The following GPC3 variants were observed in gnomAD, a reference collection of about 807,000 sequenced individuals.
The protein encoded by GPC3 is glypican 3.
GPC3 carries 3 observed loss-of-function variants against 34.4 expected under a neutral mutation model. The ratio of observed to expected loss-of-function variants is 0.09; its 90% confidence interval spans 0.04 to 0.23. The LOEUF (loss-of-function observed/expected upper bound fraction) is 0.23, where lower values mean the gene tolerates loss of function less well. Ranked by LOEUF, GPC3 falls within the 10% of genes least tolerant of loss-of-function variation. The pLI is 1.00. For missense variants in GPC3, 351 were observed against 445.6 expected (o/e 0.79, Z 1.91); for synonymous variants, 177 against 174.0 (o/e 1.02, Z -0.13).
At chrX:133,577,935 C>T (rs2069700732) in intron 7 of GPC3, among the ~76,000 whole-genome samples, 1 of 111,701 alleles carries the variant, frequency 9.0e-6, no homozygotes, top group Admixed American at 9.5e-5. Flanking sequence ...CCCTTAGTGC[C>T]CTTGATTGTG....
Position 133,917,867 on chromosome X carries a change from G to T in GPC3, c.337+35183C>A, listed in dbSNP as rs145749607. Among the ~76,000 whole-genome samples the T allele has an allele frequency of 5.3e-3, 589 of 111,437 alleles. 6 individuals carry two copies. Among genetic ancestry groups the T allele is most frequent in the African/African-American group, 0.018 (556 of 30,683 alleles). ...TGATGGTATTAAATATGAATAACCAGCTGCTCTATCCCTTTGAGGAGAGCT... is the reference window on the plus strand; with the variant it reads ...TGATGGTATTAAATATGAATAACCATCTGCTCTATCCCTTTGAGGAGAGCT... On this transcript the variant is annotated intron_variant, in intron 2 of 7. Coordinates refer to ENST00000370818, the MANE Select transcript of GPC3 (RefSeq NM_004484.4).
intron 2 of GPC3, among the ~76,000 whole-genome samples, chrX:133,814,125 T>A (rs780452608): frequency 1.8e-5 from 2 of 111,415 alleles, no homozygotes; most frequent in South Asian, 7.8e-4. Context: ...GGGGACACTT[T>A]CGGATGTCGA....
chrX:133,672,718 T>C (rs1188307376), intron 5 of GPC3, among the ~76,000 whole-genome samples: 1 of 111,875 alleles, frequency 8.9e-6, no homozygotes, highest in African/African-American at 3.2e-5. Flanking sequence ...TGGCGCGATC[T>C]CCGCTCACTG....
In GPC3 at chrX:133,594,814, G is replaced by A. The variant is rs181363278; in HGVS notation, c.1573+1626C>T. Among the ~76,000 whole-genome samples the A allele has an allele frequency of 1.8e-3, 197 of 110,594 alleles. 1 individual carries two copies. The highest frequency in any genetic ancestry group is 6.2e-3 in the African/African-American group (189 of 30,527). On this transcript the variant is annotated intron_variant, in intron 7 of 7. Transcript: ENST00000370818. ...CACAACAATGTGCATATAATTAACA[G>A]TATTGTACTGTACACTTAAAAGTTT...
At chrX:133,815,902 T>C (rs922451355) in intron 2 of GPC3, among the ~76,000 whole-genome samples, 5 of 111,561 alleles carry the variant, frequency 4.5e-5, no homozygotes, top group Admixed American at 2.9e-4. Context: ...TGTTGGAGCA[T>C]ATTTTTGGAG....
chrX:133,747,676 C>T (rs966290974), intron 3 of GPC3, among the ~76,000 whole-genome samples: 1 of 111,639 alleles, frequency 9.0e-6, no homozygotes, highest in Non-Finnish European at 1.9e-5. Context: ...CACCTACTAG[C>T]CAAGTGACCG....
At chrX:133,625,117 G>C (rs918299516) in intron 6 of GPC3, among the ~76,000 whole-genome samples, 14 of 111,248 alleles carry the variant, frequency 1.3e-4, no homozygotes, top group African/African-American at 4.6e-4. Flanking sequence ...ATTCAACAAC[G>C]CTTCATGCTA....
intron 2 of GPC3, among the ~76,000 whole-genome samples, chrX:133,810,624 G>A (rs752073450): frequency 5.5e-5 from 6 of 109,967 alleles, no homozygotes; most frequent in African/African-American, 2.0e-4. Flanking sequence ...GAGGCCTGGC[G>A]CCTGGGTGCA....
At chrX:133,687,092 A>ATTTTTTTTTTTTTTTTTTT (rs775110101) in intron 5 of GPC3, among the ~76,000 whole-genome samples, 4 of 69,280 alleles carry the variant, frequency 5.8e-5, no homozygotes, top group African/African-American at 2.4e-4. Context: ...TGGCCGGCTA[A>ATTTTTTTTTTTTTTTTTTT]TTTTTTTTTT....
At chrX:133,564,437 C>T (rs190695616) in intron 7 of GPC3, among the ~76,000 whole-genome samples, 29 of 111,131 alleles carry the variant, frequency 2.6e-4, no homozygotes, top group East Asian at 5.7e-4. Context: ...TTTGTTTAAA[C>T]GACAATGGGT....
intron 1 of GPC3, among the ~76,000 whole-genome samples, chrX:133,980,883 G>A (rs964402097): frequency 1.8e-5 from 2 of 111,948 alleles, no homozygotes; most frequent in African/African-American, 6.5e-5. Flanking sequence ...AGGCTACAGT[G>A]AACAGCAAAC....
chrX:133,827,963 A>G (rs1039577430), intron 2 of GPC3, among the ~76,000 whole-genome samples: 2 of 107,606 alleles, frequency 1.9e-5, no homozygotes, highest in Admixed American at 2.0e-4. Context: ...AAAAAAAAAA[A>G]AAAAAGAACA....
intron 2 of GPC3, among the ~76,000 whole-genome samples, chrX:133,786,492 G>A (rs1398761817): frequency 1.8e-5 from 2 of 112,726 alleles, no homozygotes; most frequent in Non-Finnish European, 3.8e-5. Context: ...AGGGGTCCCC[G>A]GAGAATCTCC....
chrX:133,661,995 T>C, intron 5 of GPC3, 145 bp from the exon 6 acceptor site: 1 of 571,786 alleles, frequency 1.7e-6, no homozygotes. Context: ...CCACATAGTG[T>C]CTATTTACAG....
intron 2 of GPC3, among the ~76,000 whole-genome samples, chrX:133,774,589 T>C (rs996209893): frequency 9.0e-6 from 1 of 111,537 alleles, no homozygotes; most frequent in Non-Finnish European, 1.9e-5. Context: ...AAATAGGGTA[T>C]TATAAATAAA....
intron 3 of GPC3, among the ~76,000 whole-genome samples, chrX:133,722,145 G>T (rs1287233171): frequency 9.0e-6 from 1 of 111,347 alleles, no homozygotes; most frequent in African/African-American, 3.3e-5. Context: ...TTTATAGTCT[G>T]TAACTTATCT....
intron 2 of GPC3, among the ~76,000 whole-genome samples, chrX:133,863,648 C>CTTT (rs1165193952): frequency 0.034 from 2,447 of 72,827 alleles, 459 homozygotes; most frequent in African/African-American, 0.19. Context: ...AAAAATATTC[C>CTTT]TTTTTTTTTT....
chrX:133,742,828 C>T (rs1320830933), intron 3 of GPC3, among the ~76,000 whole-genome samples: 1 of 112,009 alleles, frequency 8.9e-6, no homozygotes, highest in Non-Finnish European at 1.9e-5. Flanking sequence ...TGATAATAGA[C>T]AGCACCCAAA....
intron 1 of GPC3, among the ~76,000 whole-genome samples, chrX:133,962,599 G>C (rs748456283): frequency 1.0e-3 from 114 of 111,983 alleles, no homozygotes; most frequent in Non-Finnish European, 1.3e-3. Flanking sequence ...CAGCTATGCT[G>C]GAGTTGGGAT....
Sources: gnomAD v4.1 joint callset for allele counts (sites outside exome capture counted in the v4.1 genomes callset) on GRCh38, gnomAD v4.1.1 for gene constraint, MANE v1.5 for transcripts, NCBI Gene and HGNC (gene_info 2026-07-23, HGNC 2026-07-21) for gene names.